The following CCDC178 variants were observed in gnomAD, a reference collection of about 807,000 sequenced individuals.
CCDC178 encodes coiled-coil domain containing 178.
CCDC178 carries 126 observed loss-of-function variants against 117.4 expected under a neutral mutation model. The observed-to-expected ratio is 1.07, with a 90% CI of 0.93 to 1.24. CCDC178 has a LOEUF of 1.24. Ranked by LOEUF, CCDC178 falls within the 50% of genes most tolerant of loss-of-function variation. CCDC178 has a pLI of 0.00. For synonymous variants in CCDC178, 283 were observed against 313.4 expected (o/e 0.90, Z 1.02); for missense variants, 1,030 against 986.9 (o/e 1.04, Z -0.59).
chr18:33,373,578 G>C (rs192680344), intron 5 of CCDC178, among the ~76,000 whole-genome samples: 6 of 152,186 alleles, frequency 3.9e-5, no homozygotes, highest in Non-Finnish European at 8.8e-5. Context: ...AAGGTTCCTT[G>C]CCTGTGCGGA....
At chr18:33,077,353 T>G (rs1272244103) in intron 21 of CCDC178, among the ~76,000 whole-genome samples, 3 of 152,120 alleles carry the variant, frequency 2.0e-5, no homozygotes, top group Admixed American at 6.6e-5. Flanking sequence ...TTGCATATGT[T>G]GAAGTCCTAA....
Position 33,267,006 on chromosome 18 carries a change from G to GA in CCDC178, c.1318dup (p.Ser440PhefsTer15). 6.2e-7 allele frequency: 1 copy of GA among 1,600,042 alleles called. No homozygotes were observed. Among genetic ancestry groups the GA allele is most frequent in the Non-Finnish European group, 8.5e-7 (1 of 1,176,022 alleles). Reference sequence around the variant, plus strand: ...TTTTGTACATGCCAAAGAAATAGCTGAAAAATCTTTTGCAACATCAGAAAG... The same window carrying GA: ...TTTTGTACATGCCAAAGAAATAGCTGAAAAAATCTTTTGCAACATCAGAAAG... On this transcript the variant is annotated frameshift_variant, in exon 14 of 23. Coordinates refer to ENST00000383096, the MANE Select transcript of CCDC178 (RefSeq NM_001105528.4). LOFTEE classifies it high-confidence loss of function.
intron 10 of CCDC178, among the ~76,000 whole-genome samples, chr18:33,326,174 G>A (rs1457530418): frequency 6.6e-6 from 1 of 152,330 alleles, no homozygotes; most frequent in Non-Finnish European, 1.5e-5. Flanking sequence ...ATAGGGGACA[G>A]CTTATGGGTG....
intron 20 of CCDC178, among the ~76,000 whole-genome samples, chr18:33,144,160 CA>C (rs894044152): frequency 6.6e-6 from 1 of 152,074 alleles, no homozygotes; most frequent in African/African-American, 2.4e-5. Flanking sequence ...CAACTACCCG[CA>C]AGCATCCTGA....
At chr18:32,997,902 G>T (rs918788474) in intron 21 of CCDC178, among the ~76,000 whole-genome samples, 4 of 152,010 alleles carry the variant, frequency 2.6e-5, no homozygotes, top group African/African-American at 9.7e-5. Context: ...AAAATAAATA[G>T]GTGGAAAGGC....
chr18:33,156,838 T>C (rs1389660617), intron 20 of CCDC178, among the ~76,000 whole-genome samples: 1 of 152,122 alleles, frequency 6.6e-6, no homozygotes, highest in Non-Finnish European at 1.5e-5. Context: ...CTAAACAAGG[T>C]TTCCAGTTTC....
chr18:33,165,095 G>T (rs147332927), intron 20 of CCDC178, among the ~76,000 whole-genome samples: 1 of 152,124 alleles, frequency 6.6e-6, no homozygotes, highest in African/African-American at 2.4e-5. Flanking sequence ...TCAATAGCAC[G>T]TACAATACTT....
intron 21 of CCDC178, among the ~76,000 whole-genome samples, chr18:33,071,040 A>G (rs2057099863): frequency 6.6e-6 from 1 of 152,134 alleles, no homozygotes; most frequent in East Asian, 1.9e-4. Context: ...CTAAAATACA[A>G]GAAAGAGAAA....
intron 20 of CCDC178, among the ~76,000 whole-genome samples, chr18:33,195,103 C>A (rs1163321796): frequency 2.3e-5 from 3 of 127,798 alleles, no homozygotes; most frequent in Non-Finnish European, 4.8e-5. Context: ...AATGATAGAG[C>A]AAGGCACTGT....
chr18:33,272,793 G>A (rs370578474), intron 12 of CCDC178, among the ~76,000 whole-genome samples: 1 of 151,490 alleles, frequency 6.6e-6, no homozygotes, highest in African/African-American at 2.4e-5. Flanking sequence ...AAGGACCAAA[G>A]CCATTTCCAT....
At chr18:33,092,705 T>C (rs2057485712) in intron 21 of CCDC178, 56 bp downstream of exon 21, 1 of 1,261,394 alleles carries the variant, frequency 7.9e-7, no homozygotes, top group East Asian at 2.5e-5. Context: ...CTTTTTACTT[T>C]TGTAGTGCAT....
At chr18:33,180,993 A>AC (rs1299993860) in intron 20 of CCDC178, among the ~76,000 whole-genome samples, 1 of 151,872 alleles carries the variant, frequency 6.6e-6, no homozygotes, top group Non-Finnish European at 1.5e-5. Context: ...TCCTCTAATG[A>AC]CTTTTTTTTT....
intron 2 of CCDC178, among the ~76,000 whole-genome samples, chr18:33,425,080 T>C (rs1317988712): frequency 6.6e-6 from 1 of 152,218 alleles, no homozygotes; most frequent in Non-Finnish European, 1.5e-5. Context: ...CTGTAAGTTC[T>C]GTACATGTAT....
At chr18:33,363,877 G>C (rs565095967) in intron 6 of CCDC178, among the ~76,000 whole-genome samples, 1 of 152,200 alleles carries the variant, frequency 6.6e-6, no homozygotes, top group South Asian at 2.1e-4. Context: ...TGGACTGATA[G>C]ATTGCTACCT....
At chr18:33,290,413 GT>G (rs1201922380) in intron 12 of CCDC178, among the ~76,000 whole-genome samples, 1 of 152,120 alleles carries the variant, frequency 6.6e-6, no homozygotes, top group Non-Finnish European at 1.5e-5. Flanking sequence ...CAAAGACATA[GT>G]TTGCCTTTTG....
intron 2 of CCDC178, among the ~76,000 whole-genome samples, chr18:33,417,470 T>C (rs920919574): frequency 1.3e-5 from 2 of 151,614 alleles, no homozygotes; most frequent in Non-Finnish European, 1.5e-5. Context: ...TGTGGTGGGG[T>C]AAGTCTCATG....
intron 22 of CCDC178, among the ~76,000 whole-genome samples, chr18:32,946,954 G>C (rs2054369951): frequency 1.3e-5 from 2 of 151,706 alleles, no homozygotes; most frequent in Non-Finnish European, 1.5e-5. Flanking sequence ...TAATTTTTTT[G>C]TATTTTTAGT....
In CCDC178 at chr18:33,339,557, G is replaced by A. The variant is rs79639576; in HGVS notation, c.659-6163C>T. On this transcript the variant is annotated intron_variant, in intron 9 of 22. Transcript: ENST00000383096. ...TCAAGCAGCAACAGAAAATGGAAGA[G>A]AGACCTTGATATGTTTTGGCTGTGT... Among the ~76,000 whole-genome samples the A allele has an allele frequency of 3.1e-3, 474 of 151,636 alleles. 23 individuals are homozygous for A. In the East Asian group the frequency reaches 0.083, roughly 27 times the overall value.
At chr18:32,972,398 A>G (rs1443369377) in intron 22 of CCDC178, among the ~76,000 whole-genome samples, 1 of 152,280 alleles carries the variant, frequency 6.6e-6, no homozygotes, top group African/African-American at 2.4e-5. Flanking sequence ...TGGTACCAGT[A>G]CCATGCTGCT....
Sources: allele counts gnomAD v4.1 joint callset (sites outside exome capture counted in the v4.1 genomes callset), GRCh38; gene constraint gnomAD v4.1.1; transcripts MANE v1.5; gene names NCBI Gene and HGNC (gene_info 2026-07-23, HGNC 2026-07-21).